The following LMTK2 variants were observed in gnomAD, a reference collection of about 807,000 sequenced individuals.
The protein encoded by LMTK2 is lemur tail kinase 2.
In LMTK2, 37 loss-of-function variants were observed where a neutral mutation model predicts 127.5. That is an observed-to-expected ratio of 0.29 (90% CI 0.22 to 0.38). LMTK2 has a LOEUF of 0.38. Among genes scored for constraint, LMTK2 ranks in the 10% least tolerant of loss-of-function variants. LMTK2 has a pLI of 1.00. For synonymous variants in LMTK2, 819 were observed against 810.1 expected (o/e 1.01, Z -0.19); for missense variants, 1,694 against 1,920.3 (o/e 0.88, Z 2.20).
intron 3 of LMTK2, among the ~76,000 whole-genome samples, chr7:98,148,560 A>G (rs936108357): frequency 1.3e-5 from 2 of 151,984 alleles, no homozygotes; most frequent in Admixed American, 1.3e-4. Flanking sequence ...TCTAATAATT[A>G]GTCCAATGTC....
At chr7:98,119,028 G>T (rs1796325152) in intron 1 of LMTK2, among the ~76,000 whole-genome samples, 1 of 151,392 alleles carries the variant, frequency 6.6e-6, no homozygotes, top group South Asian at 2.1e-4. Flanking sequence ...GGAGGCGGAG[G>T]TTGCAGTGAA....
chr7:98,205,384 C>G (rs1797774350), intron 13 of LMTK2, 80 bp from the exon 14 acceptor site: 2 of 1,539,242 alleles, frequency 1.3e-6, no homozygotes, highest in Admixed American at 1.7e-5. Flanking sequence ...TGTGGTGCAG[C>G]GCACATGCCA....
intron 11 of LMTK2, among the ~76,000 whole-genome samples, chr7:98,197,285 G>A (rs1797637350): frequency 6.6e-6 from 1 of 152,242 alleles, no homozygotes; most frequent in Admixed American, 6.5e-5. Context: ...GAGGCTCAGA[G>A]TAGGTAAACT....
rs543318856 is a variant in LMTK2 at position 98,184,749 on chromosome 7, A to G, written c.792-302A>G. Among the ~76,000 whole-genome samples the G allele has an allele frequency of 4.6e-5, 7 of 152,348 alleles. No homozygotes were observed. The East Asian group carries it at 9.6e-4, about 21-fold the overall frequency. On this transcript the variant is annotated intron_variant, in intron 7 of 13. Coordinates refer to ENST00000297293, the MANE Select transcript of LMTK2 (RefSeq NM_014916.4). The stretch of plus-strand genomic sequence containing the variant: ...TTGAATGAGAAAAAAAAAGAAAAGA[A>G]AAGAAAATACAAGGAAACAAGCCAT...
At position 98,192,673 on chromosome 7, in the gene LMTK2, G is replaced by A. The variant is rs774554691; in HGVS notation, c.2208G>A (p.Leu736=). The part of the protein sequence containing the change: ...LQEKNLLKGS[L]SSKEHINDLQ... Reference sequence around the variant, plus strand: ...AGAAAAACTTACTAAAAGGCTCATTGTCCAGCAAAGAACACATAAATGATC... The same window carrying A: ...AGAAAAACTTACTAAAAGGCTCATTATCCAGCAAAGAACACATAAATGATC... Residue 736 remains leucine (L), a synonymous_variant, in exon 11 of 14, where the codon TTG becomes TTA. Coordinates refer to ENST00000297293, the MANE Select transcript of LMTK2 (RefSeq NM_014916.4). 3 of 1,611,112 alleles carry A rather than the reference G, an allele frequency of 1.9e-6. No homozygotes were observed. Among genetic ancestry groups the A allele is most frequent in the African/African-American group, 1.3e-5 (1 of 74,816 alleles).
At chr7:98,156,379 G>T (rs918687765) in intron 5 of LMTK2, among the ~76,000 whole-genome samples, 13 of 151,886 alleles carry the variant, frequency 8.6e-5, no homozygotes, top group Admixed American at 8.6e-4. Flanking sequence ...GCAGGAAAAT[G>T]GCGTGAACCT....
At chr7:98,138,217 T>C (rs10499941) in intron 2 of LMTK2, among the ~76,000 whole-genome samples, 5,394 of 152,214 alleles carry the variant, frequency 0.035, 335 homozygotes, top group African/African-American at 0.12. Context: ...TGGTCCTTAA[T>C]GTCACTCCCT....
intron 2 of LMTK2, 93 bp downstream of exon 2, chr7:98,137,535 G>A: frequency 7.8e-7 from 1 of 1,284,766 alleles, no homozygotes; most frequent in South Asian, 1.7e-5. Context: ...AACAGGATCA[G>A]CAGATTTTTT....
At chr7:98,202,711 G>A (rs533138249) in intron 11 of LMTK2, among the ~76,000 whole-genome samples, 3 of 152,072 alleles carry the variant, frequency 2.0e-5, no homozygotes, top group African/African-American at 7.2e-5. Context: ...ACCCCACCCC[G>A]GTCTCCCCTG....
chr7:98,134,714 T>C (rs146845486), intron 1 of LMTK2, among the ~76,000 whole-genome samples: 3 of 152,066 alleles, frequency 2.0e-5, no homozygotes, highest in Admixed American at 6.5e-5. Flanking sequence ...CTTGTCTGGA[T>C]GAGTGAACAG....
chr7:98,144,469 G>T (rs1310736776), intron 3 of LMTK2, among the ~76,000 whole-genome samples: 1 of 150,868 alleles, frequency 6.6e-6, no homozygotes, highest in Non-Finnish European at 1.5e-5. Flanking sequence ...TATATATATT[G>T]AAAAGTCTCC....
intron 5 of LMTK2, among the ~76,000 whole-genome samples, chr7:98,156,807 C>T (rs776196399): frequency 9.9e-5 from 15 of 152,040 alleles, no homozygotes; most frequent in Non-Finnish European, 1.5e-4. Context: ...AGGGAATAGT[C>T]GATGTTGTAG....
chr7:98,203,917 G>C, intron 12 of LMTK2, 27 bp from the exon 13 acceptor site: 1 of 1,611,438 alleles, frequency 6.2e-7, no homozygotes, highest in Non-Finnish European at 8.5e-7. Flanking sequence ...GTGATAAAAA[G>C]GGTGGGGTTT....
At chr7:98,124,993 T>A (rs1347573515) in intron 1 of LMTK2, among the ~76,000 whole-genome samples, 1 of 152,086 alleles carries the variant, frequency 6.6e-6, no homozygotes, top group Non-Finnish European at 1.5e-5. Context: ...CCCTGGTCAT[T>A]CCATAAAAAA....
chr7:98,192,655 C>T lies in LMTK2; in HGVS notation c.2190C>T (p.Asn730=). 2.5e-6 allele frequency: 4 copies of T among 1,610,654 alleles called. No homozygotes were observed. Among genetic ancestry groups the T allele is most frequent in the South Asian group, 1.1e-5 (1 of 89,994 alleles). The change falls in exon 11 of 14, where the codon AAC becomes AAT. Residue 730 remains asparagine, a synonymous_variant. Coordinates refer to ENST00000297293, the MANE Select transcript of LMTK2 (RefSeq NM_014916.4). ...SENFLFLQEK[N]LLKGSLSSKE... ...ACTTTTTATTTCTTCAAGAGAAAAA[C>T]TTACTAAAAGGCTCATTGTCCAGCA...
At chr7:98,129,792 T>A (rs1251434431) in intron 1 of LMTK2, among the ~76,000 whole-genome samples, 1 of 151,646 alleles carries the variant, frequency 6.6e-6, no homozygotes, top group Non-Finnish European at 1.5e-5. Context: ...GCTCTCTAAC[T>A]TTTTTCCCTT....
At chr7:98,140,148 T>TGTCTG (rs1562902741) in intron 2 of LMTK2, among the ~76,000 whole-genome samples, 1 of 5,878 alleles carries the variant, frequency 1.7e-4, no homozygotes, top group East Asian at 0.014. Context: ...CTTTCTTTTC[T>TGTCTG]TTTCTTTTCT....
rs544122930 is a variant in LMTK2, at chr7:98,171,061, C to T, written c.658-480C>T. On this transcript the variant is annotated intron_variant, in intron 6 of 13. Transcript: ENST00000297293. The surrounding 1 kb of genome is among the most constrained non-coding windows in gnomAD (Gnocchi z 5.1). ...TTGTTGCTGCACTACCTGGACTTCT[C>T]CTTTCCCACCCATTTTTCTTTCCTT... is the stretch of plus-strand genomic sequence containing the variant. Among the ~76,000 whole-genome samples the T allele has an allele frequency of 2.0e-5, 3 of 152,196 alleles. No homozygotes were observed. In the South Asian group the frequency reaches 6.2e-4, roughly 32 times the overall value.
chr7:98,140,280 A>G (rs77068660), intron 2 of LMTK2, among the ~76,000 whole-genome samples: 8,057 of 151,306 alleles, frequency 0.053, 638 homozygotes, highest in East Asian at 0.36. Context: ...AGCCAGGACT[A>G]CTCCAGTAGT....
Sources: allele counts gnomAD v4.1 joint callset (sites outside exome capture counted in the v4.1 genomes callset), GRCh38; gene constraint gnomAD v4.1.1; non-coding constraint Gnocchi (gnomAD v3.1); transcripts MANE v1.5; gene names NCBI Gene and HGNC (gene_info 2026-07-23, HGNC 2026-07-21).